The following PDCL2 variants were observed in gnomAD, a reference collection of about 807,000 sequenced individuals.
The protein encoded by PDCL2 is phosducin like 2, also known as phosducin-like protein 2.
In PDCL2, 23 loss-of-function variants were observed where a neutral mutation model predicts 30.3. The observed-to-expected ratio is 0.76, with a 90% CI of 0.55 to 1.08. The LOEUF is 1.08. Among genes scored for constraint, PDCL2 ranks in the 50% least tolerant of loss-of-function variants. PDCL2 has a pLI of 0.00. For missense variants in PDCL2, 243 were observed against 282.3 expected, an observed-to-expected ratio of 0.86 and a Z score of 1.00; for synonymous variants, 68 against 86.2, an observed-to-expected ratio of 0.79 and a Z score of 1.17.
rs1268735610 is a variant in PDCL2, at chr4:55,579,202, T to G, written c.218+1619A>C. On this transcript the variant is annotated intron_variant, in intron 3 of 5. Coordinates refer to ENST00000295645, the MANE Select transcript of PDCL2 (RefSeq NM_152401.3). ...CTTTTTTTTTTTTTAAGTACTTCCT[T>G]ACCTACTGGCAACATAAGATGCTTC... Among the ~76,000 whole-genome samples, 2 of 152,112 alleles carry G rather than the reference T, an allele frequency of 1.3e-5. 1 individual carries two copies. The highest frequency in any genetic ancestry group is 4.8e-5 in the African/African-American group (2 of 41,438).
chr4:55,577,858 G>T (rs1358094059), intron 3 of PDCL2, among the ~76,000 whole-genome samples: 1 of 152,050 alleles, frequency 6.6e-6, no homozygotes, highest in Non-Finnish European at 1.5e-5. Context: ...AGTATATTTT[G>T]TTCCTTTGAA....
At chr4:55,582,367 G>T in intron 1 of PDCL2, 130 bp from the exon 2 acceptor site, 5 of 1,079,684 alleles carry the variant, frequency 4.6e-6, no homozygotes, top group Non-Finnish European at 6.4e-6. Flanking sequence ...TGGTTTTGAA[G>T]AATAAAGCAA....
At chr4:55,563,130 C>T (rs1252009960) in intron 4 of PDCL2, among the ~76,000 whole-genome samples, 1 of 152,188 alleles carries the variant, frequency 6.6e-6, no homozygotes, top group Admixed American at 6.5e-5. Context: ...CTATTCCTTA[C>T]CAGAAATTTA....
At chr4:55,561,422 G>T (rs1281157207) in intron 5 of PDCL2, among the ~76,000 whole-genome samples, 1 of 152,078 alleles carries the variant, frequency 6.6e-6, no homozygotes, top group Non-Finnish European at 1.5e-5. Flanking sequence ...AATTAGCCAG[G>T]TGTGGTGGTG....
chr4:55,561,397 A>G (rs1732134042), intron 5 of PDCL2, among the ~76,000 whole-genome samples: 1 of 152,064 alleles, frequency 6.6e-6, no homozygotes, highest in Non-Finnish European at 1.5e-5. Flanking sequence ...CCCCATCTCT[A>G]CTAAAAATTA....
In PDCL2 at chr4:55,580,902, A is replaced by G. The variant is rs1260265868; in HGVS notation, c.137T>C (p.Phe46Ser). ...TAGCTGTGCAAGAGTCATCTTTTCA[A>G]ATGGTTTCACTAAAACAACATAAAT... is the stretch of plus-strand genomic sequence containing the variant. The part of the protein sequence containing the change: ...RLQKEAMVKP[F>S]EKMTLAQLKE... Residue 46 changes from phenylalanine to serine, a missense_variant, in exon 3 of 6, where the codon TTT (phenylalanine) becomes TCT (serine). By Grantham distance (155) the Phe-to-Ser change is radical. Coordinates refer to ENST00000295645, the MANE Select transcript of PDCL2 (RefSeq NM_152401.3). 1 of 1,598,174 alleles carries G rather than the reference A, an allele frequency of 6.3e-7. No homozygotes were observed. Among genetic ancestry groups the G allele is most frequent in the African/African-American group, 1.4e-5 (1 of 73,960 alleles).
At chr4:55,583,847 T>C (rs1345107542) in intron 1 of PDCL2, among the ~76,000 whole-genome samples, 1 of 152,222 alleles carries the variant, frequency 6.6e-6, no homozygotes, top group Non-Finnish European at 1.5e-5. Flanking sequence ...GTGATGCCTC[T>C]GGTTTTCTTC....
chr4:55,572,688 G>T (rs1732458716), intron 3 of PDCL2, among the ~76,000 whole-genome samples: 1 of 152,122 alleles, frequency 6.6e-6, no homozygotes, highest in Non-Finnish European at 1.5e-5. Flanking sequence ...AACAAAAAAA[G>T]AATAATGGCT....
intron 4 of PDCL2, among the ~76,000 whole-genome samples, chr4:55,563,248 T>C (rs925299153): frequency 1.3e-5 from 2 of 152,364 alleles, no homozygotes; most frequent in Non-Finnish European, 2.9e-5. Context: ...TATCCAACTT[T>C]CAAGTGAATC....
intron 3 of PDCL2, among the ~76,000 whole-genome samples, chr4:55,572,754 T>TTTC (rs969725693): frequency 6.6e-6 from 1 of 151,790 alleles, no homozygotes; most frequent in Non-Finnish European, 1.5e-5. Flanking sequence ...GCTTTGTGTG[T>TTTC]TTCTTCTTCT....
At chr4:55,574,680 C>G (rs899193183) in intron 3 of PDCL2, among the ~76,000 whole-genome samples, 1 of 152,200 alleles carries the variant, frequency 6.6e-6, no homozygotes, top group African/African-American at 2.4e-5. Context: ...TATCCCCTAT[C>G]CTAGGCCCTG....
At chr4:55,588,878 T>G (rs79560089) in intron 1 of PDCL2, among the ~76,000 whole-genome samples, 6 of 151,550 alleles carry the variant, frequency 4.0e-5, no homozygotes, top group Admixed American at 1.3e-4. Flanking sequence ...TTTTTTTTTT[T>G]AGAGAGTCTC....
chr4:55,575,511 G>C (rs1461161609), intron 3 of PDCL2, among the ~76,000 whole-genome samples: 2 of 152,158 alleles, frequency 1.3e-5, no homozygotes, highest in African/African-American at 4.8e-5. Flanking sequence ...AGAAATAATG[G>C]CTGAAAACTT....
At chr4:55,572,749 G>T (rs1732459607) in intron 3 of PDCL2, among the ~76,000 whole-genome samples, 1 of 151,966 alleles carries the variant, frequency 6.6e-6, no homozygotes, top group Non-Finnish European at 1.5e-5. Context: ...TGGATGCTTT[G>T]TGTGTTTCTT....
intron 4 of PDCL2, 126 bp downstream of exon 4, chr4:55,569,592 G>C (rs879092220): frequency 2.5e-5 from 12 of 484,740 alleles, no homozygotes; most frequent in African/African-American, 2.2e-4. Context: ...CTCTATGGAT[G>C]TATATGTGTG....
At chr4:55,559,310 C>A (rs1312623728) in intron 5 of PDCL2, among the ~76,000 whole-genome samples, 1 of 148,852 alleles carries the variant, frequency 6.7e-6, no homozygotes, top group South Asian at 2.2e-4. Context: ...ATGGTCACAG[C>A]AGAATTGTTC....
In PDCL2 at chr4:55,592,175, A is replaced by G; in HGVS notation, c.-66T>C. On this transcript the variant is annotated 5_prime_UTR_variant, in exon 1 of 6. Coordinates refer to ENST00000295645, the MANE Select transcript of PDCL2 (RefSeq NM_152401.3). ...AGCTGGCGAGGCGCCACGGATGGAG[A>G]CCCGCAGCCTTCTCCAGGCTGGAAG... 6.3e-7 allele frequency: 1 copy of G among 1,588,714 alleles called. No homozygotes were observed. The highest frequency in any genetic ancestry group is 8.6e-7 in the Non-Finnish European group (1 of 1,168,170).
At chr4:55,573,636 A>G (rs1431259781) in intron 3 of PDCL2, among the ~76,000 whole-genome samples, 1 of 151,976 alleles carries the variant, frequency 6.6e-6, no homozygotes, top group African/African-American at 2.4e-5. Context: ...CTGTAGTCCC[A>G]GCTACTCCAG....
intron 5 of PDCL2, 74 bp from the exon 6 acceptor site, chr4:55,556,785 G>C (rs1731979974): frequency 8.4e-7 from 1 of 1,193,766 alleles, no homozygotes; most frequent in Non-Finnish European, 1.1e-6. Flanking sequence ...TGAAACAAGA[G>C]TTGACTCTTA....
Sources: gnomAD v4.1 joint callset for allele counts (sites outside exome capture counted in the v4.1 genomes callset) on GRCh38, gnomAD v4.1.1 for gene constraint, MANE v1.5 for transcripts, NCBI Gene and HGNC (gene_info 2026-07-23, HGNC 2026-07-21) for gene names.